The following ZNF646 variants were observed in gnomAD, a reference collection of about 807,000 sequenced individuals.
ZNF646 encodes the protein zinc finger protein 646.
ZNF646 carries 49 observed loss-of-function variants against 115.4 expected under a neutral mutation model. The ratio of observed to expected loss-of-function variants is 0.42; its 90% confidence interval spans 0.34 to 0.54. The LOEUF is 0.54. Among genes scored for constraint, ZNF646 ranks in the 20% least tolerant of loss-of-function variants. The probability of loss-of-function intolerance (pLI) is 0.04; values close to 1 mark genes in which losing one functional copy is unlikely to be tolerated. For synonymous variants in ZNF646, 933 were observed against 939.0 expected, an observed-to-expected ratio of 0.99 and a Z score of 0.12; for missense variants, 2,269 against 2,457.9, an observed-to-expected ratio of 0.92 and a Z score of 1.62.
rs774592235 is a variant in ZNF646, at chr16:31,083,035, G to A, written c.5442G>A (p.Thr1814=). 5.8e-6 allele frequency: 7 copies of A among 1,214,392 alleles called. No homozygotes were observed. The highest frequency in any genetic ancestry group is 8.0e-6 in the Non-Finnish European group (7 of 880,500). The allele number at this position is 1,214,392 out of a possible 1,614,324, so 75.2% of individuals were successfully genotyped here. ...CATTGCCCCCTCCACCCACCCCCAC[G>A]ACCCCACTCCTGGATCCTTCACCCC... is the stretch of plus-strand genomic sequence containing the variant. ...DLPLPPPPTP[T]TPLLDPSPQW... The change falls in exon 3 of 3, where the codon ACG becomes ACA. Residue 1814 remains threonine, a synonymous_variant. Transcript: ENST00000300850.
In ZNF646 at chr16:31,083,751, G is replaced by C. The variant is rs371892937; in HGVS notation, c.*659G>C. On this transcript the variant is annotated 3_prime_UTR_variant, in exon 3 of 3. Transcript: ENST00000300850. ...ACAGGGGCAGTAATGCCATTTGCCT[G>C]CCTGCATTCTCTTGTCCTGAGAATG... The C allele has an allele frequency of 2.7e-5, 43 of 1,613,970 alleles. No individual in the cohort carries two copies. The highest frequency in any genetic ancestry group is 3.6e-5 in the Non-Finnish European group (43 of 1,180,018).
intron 2 of ZNF646, 110 bp downstream of exon 2, chr16:31,081,811 C>A (rs929776404): frequency 7.0e-7 from 1 of 1,430,610 alleles, no homozygotes; most frequent in African/African-American, 1.4e-5. Context: ...CCCGGGGATT[C>A]TAAGAGGTGG....
Position 31,081,557 on chromosome 16 carries a change from G to T in ZNF646, c.5233G>T (p.Ala1745Ser), listed in dbSNP as rs745755540. The change falls in exon 2 of 3, where the codon GCC becomes TCC. Residue 1745 changes from alanine to serine, a missense_variant. Transcript: ENST00000300850. The part of the protein sequence containing the change: ...SICGKAFRTA[A>S]RLEGHGRVHA... Reference sequence around the variant, plus strand: ...CTGTGGCAAGGCCTTTCGGACAGCTGCCCGGCTGGAGGGCCACGGGCGGGT... The same window carrying T: ...CTGTGGCAAGGCCTTTCGGACAGCTTCCCGGCTGGAGGGCCACGGGCGGGT... 3.7e-6 allele frequency: 6 copies of T among 1,613,810 alleles called. No individual in the cohort carries two copies. The highest frequency in any genetic ancestry group is 1.7e-4 in the Middle Eastern group (1 of 6,060).
At position 31,076,289 on chromosome 16, in the gene ZNF646, T is replaced by C. The variant is rs1209054922; in HGVS notation, c.-36T>C. 1.3e-6 allele frequency: 2 copies of C among 1,572,064 alleles called. No homozygotes were observed. The highest frequency in any genetic ancestry group is 1.8e-5 in the Admixed American group (1 of 56,184). The stretch of plus-strand genomic sequence containing the variant: ...GAGGAAGGTGCTGCCACGTGTCTGC[T>C]CCTTCTGAACCTCCAGGTTTCTGCT... On this transcript the variant is annotated 5_prime_UTR_variant, in exon 2 of 3. Transcript: ENST00000300850.
In ZNF646 at chr16:31,077,756, G is replaced by A; in HGVS notation, c.1432G>A (p.Gly478Arg). The A allele has an allele frequency of 6.2e-7, 1 of 1,613,984 alleles. No homozygotes were observed. Among genetic ancestry groups the A allele is most frequent in the South Asian group, 1.1e-5 (1 of 91,086 alleles). ...GTGTGGTCGTGCTTACCGCCACCGG[G>A]GGAGCCTGGTGAACCATCGCCACAG... ...SECGRAYRHR[G>R]SLVNHRHSHR... Residue 478 changes from glycine to arginine, a missense_variant, in exon 2 of 3, where the codon GGG becomes AGG. Physicochemically the swap from Gly to Arg is moderately radical, Grantham distance 125 (BLOSUM62 -2). Transcript: ENST00000300850.
rs369783649 is a variant in ZNF646 at position 31,080,650 on chromosome 16, C to T, written c.4326C>T (p.Ser1442=). 5.0e-6 allele frequency: 8 copies of T among 1,613,948 alleles called. No homozygotes were observed. Among genetic ancestry groups the T allele is most frequent in the Non-Finnish European group, 6.8e-6 (8 of 1,179,984 alleles). ...CAAGGCCAGGGGAGCGCAGTCAGAG[C>T]CCCATCAGGGCAGCAAGCTCAGAAG... ...GVPRPGERSQ[S]PIRAASSEAP... The change falls in exon 2 of 3, where the codon AGC becomes AGT. Residue 1442 remains serine, a synonymous_variant. Transcript: ENST00000300850.
At chr16:31,074,181 T>C (rs2057045185), upstream of ZNF646, 1 of 152,238 alleles carries the variant, frequency 6.6e-6, no homozygotes, top group South Asian at 2.1e-4. Flanking sequence ...TTTTCTCCCT[T>C]TCTGCGCCTA....
Position 31,080,509 on chromosome 16 carries a change from TGGCCAGGGAGGCCTGGATGGCACAGC to T in ZNF646, c.4192_4217del (p.Gly1398Ter). On this transcript the variant is annotated frameshift_variant, in exon 2 of 3. Coordinates refer to ENST00000300850, the MANE Select transcript of ZNF646 (RefSeq NM_014699.4). LOFTEE classifies it high-confidence loss of function. ...AGGAGACAGAAAGGGAGCCAGCCAATGGCCAGGGAGGCCTGGATGGCACAGCGGCCAGTGAGGCGAACCTGACTGGC... is the reference window on the plus strand; with the variant it reads ...AGGAGACAGAAAGGGAGCCAGCCAATGGCCAGTGAGGCGAACCTGACTGGC... 1 of 1,613,956 alleles carries T rather than the reference TGGCCAGGGAGGCCTGGATGGCACAGC, an allele frequency of 6.2e-7. No individual in the cohort carries two copies. Among genetic ancestry groups the T allele is most frequent in the Non-Finnish European group, 8.5e-7 (1 of 1,180,016 alleles).
Position 31,080,262 on chromosome 16 carries a change from G to C in ZNF646, c.3938G>C (p.Ser1313Thr). The C allele has an allele frequency of 1.9e-6, 3 of 1,612,496 alleles. No homozygotes were observed. Among genetic ancestry groups the C allele is most frequent in the Non-Finnish European group, 2.5e-6 (3 of 1,179,684 alleles). Residue 1313 changes from serine (S) to threonine (T), a missense_variant, in exon 2 of 3, where the codon AGC (serine) becomes ACC (threonine). This residue lies in a region of ZNF646 where 1,062 missense variants were observed against 1,172.8 expected (regional missense o/e 0.91). Coordinates refer to ENST00000300850, the MANE Select transcript of ZNF646 (RefSeq NM_014699.4). ...QCGRTYRHAG[S>T]LLNHRRSHET... ...GGGCGGACCTATCGCCACGCCGGCA[G>C]CCTCCTGAACCACCGGCGCAGCCAC...
Position 31,079,361 on chromosome 16 carries a change from A to C in ZNF646, c.3037A>C (p.Asn1013His), listed in dbSNP as rs2057123759. Reference sequence around the variant, plus strand: ...GGACAGTGTCTTGGAGGACATAGTGAATTCTGTCTCTGGAGAGGGTGGAGA... The same window carrying C: ...GGACAGTGTCTTGGAGGACATAGTGCATTCTGTCTCTGGAGAGGGTGGAGA... ...VVDSVLEDIV[N>H]SVSGEGGDAK... Residue 1013 changes from asparagine to histidine, a missense_variant, in exon 2 of 3, where the codon AAT becomes CAT. Around this residue, in one of 5 missense-constraint regions of ZNF646, gnomAD observed 1,062 missense variants for 1,172.8 expected, o/e 0.91. Transcript: ENST00000300850. This position sits in a 1 kb window ranked among gnomAD's most constrained non-coding sequence, Gnocchi z 5.5. 2.5e-6 allele frequency: 4 copies of C among 1,614,000 alleles called. No individual in the cohort carries two copies. In the East Asian group the frequency reaches 8.9e-5, roughly 36 times the overall value.
At position 31,074,452 on chromosome 16, in the gene ZNF646, G is replaced by C. The variant is rs1057014253; in HGVS notation, c.-259G>C. 6.6e-5 allele frequency: 10 copies of C among 152,344 alleles called. No homozygotes were observed. Among genetic ancestry groups the C allele is most frequent in the African/African-American group, 2.4e-4 (10 of 41,468 alleles). The allele number at this position is 152,344 out of a possible 1,614,324, so 9.4% of individuals were successfully genotyped here. ...CAATAGGAAGTGTCCGTAGAGCTGG[G>C]AGTAGACTCCTGGCTCATGCCAGCT... is the stretch of plus-strand genomic sequence containing the variant. On this transcript the variant is annotated 5_prime_UTR_variant, in exon 1 of 3. Coordinates refer to ENST00000300850, the MANE Select transcript of ZNF646 (RefSeq NM_014699.4).
chr16:31,080,488 G>T lies in ZNF646; in HGVS notation c.4164G>T (p.Glu1388Asp), dbSNP rs759493450. The T allele has an allele frequency of 1.2e-6, 2 of 1,613,666 alleles. No individual in the cohort carries two copies. Among genetic ancestry groups the T allele is most frequent in the Non-Finnish European group, 1.7e-6 (2 of 1,179,974 alleles). ...AGCGGCACCTGCGGGAGCATGAGGA[G>T]ACAGAAAGGGAGCCAGCCAATGGCC... ...SLERHLREHE[E>D]TEREPANGQG... Residue 1388 changes from glutamate (E) to aspartate (D), a missense_variant, in exon 2 of 3, where the codon GAG becomes GAT. Around this residue, in one of 5 missense-constraint regions of ZNF646, gnomAD observed 1,062 missense variants for 1,172.8 expected, o/e 0.91. Coordinates refer to ENST00000300850, the MANE Select transcript of ZNF646 (RefSeq NM_014699.4).
In ZNF646 at chr16:31,082,962, T is replaced by C. The variant is rs1183196130; in HGVS notation, c.5378-9T>C. The C allele has an allele frequency of 1.1e-5, 18 of 1,574,844 alleles. No individual in the cohort carries two copies. Among genetic ancestry groups the C allele is most frequent in the Non-Finnish European group, 1.6e-5 (18 of 1,159,648 alleles). The stretch of plus-strand genomic sequence containing the variant: ...CTCAGTTGGTGACCTCCTCTCTCTC[T>C]CCCCCCAGGAGCCCCAGTGGCACCA... On this transcript the variant is annotated splice_polypyrimidine_tract_variant and intron_variant, in intron 2 of 2. Coordinates refer to ENST00000300850, the MANE Select transcript of ZNF646 (RefSeq NM_014699.4).
Position 31,083,584 on chromosome 16 carries a change from TG to T in ZNF646, c.*495del, listed in dbSNP as rs2057193933. ...TGAGACGCCTGCTTGGTAGCAGAGT[TG>T]GGTGTGGGAGTGTCCACAGACACCC... On this transcript the variant is annotated 3_prime_UTR_variant, in exon 3 of 3. Transcript: ENST00000300850. 1.4e-6 allele frequency: 2 copies of T among 1,446,726 alleles called. No individual in the cohort carries two copies. The highest frequency in any genetic ancestry group is 3.0e-5 in the South Asian group (2 of 67,560). 89.6% of individuals were successfully genotyped at this position (1,446,726 alleles called of 1,614,324 possible).
Position 31,078,203 on chromosome 16 carries a change from C to G in ZNF646, c.1879C>G (p.Arg627Gly). ...CTGCCGAGACTGTGGAAAGAGCTAT[C>G]GCCACTCAGGCAGCCTTATCAACCA... ...FACRDCGKSY[R>G]HSGSLINHRQ... The change falls in exon 2 of 3, where the codon CGC (arginine) becomes GGC (glycine). Residue 627 changes from arginine (R) to glycine (G), a missense_variant. By Grantham distance (125) the Arg-to-Gly change is moderately radical. This residue lies in a region of ZNF646 where 852 missense variants were observed against 900.2 expected (regional missense o/e 0.95). Coordinates refer to ENST00000300850, the MANE Select transcript of ZNF646 (RefSeq NM_014699.4). 1 of 1,614,094 alleles carries G rather than the reference C, an allele frequency of 6.2e-7. No individual in the cohort carries two copies. The highest frequency in any genetic ancestry group is 1.6e-4 in the Middle Eastern group (1 of 6,062).
At position 31,079,039 on chromosome 16, in the gene ZNF646, C is replaced by G; in HGVS notation, c.2715C>G (p.Ser905Arg). Residue 905 changes from serine to arginine, a missense_variant, in exon 2 of 3, where the codon AGC becomes AGG. By Grantham distance (110) the Ser-to-Arg change is moderately radical. Around this residue, in one of 5 missense-constraint regions of ZNF646, gnomAD observed 852 missense variants for 900.2 expected, o/e 0.95. Coordinates refer to ENST00000300850, the MANE Select transcript of ZNF646 (RefSeq NM_014699.4). The surrounding 1 kb of genome is among the most constrained non-coding windows in gnomAD (Gnocchi z 5.5). The stretch of plus-strand genomic sequence containing the variant: ...GGCTTCACCGGCGCCAGGCCCACAG[C>G]TCCTCTGGCATGACTGAGGGCTCAG... ...GYRLHRRQAHSSSGMTEGSEE... is the reference protein window; with the variant it reads ...GYRLHRRQAHRSSGMTEGSEE... The G allele has an allele frequency of 6.3e-7, 1 of 1,583,516 alleles. No homozygotes were observed. The highest frequency in any genetic ancestry group is 1.1e-5 in the South Asian group (1 of 87,308).
intron 2 of ZNF646, chr16:31,082,574 T>G: frequency 4.2e-6 from 1 of 240,754 alleles, no homozygotes; most frequent in Middle Eastern, 1.5e-3. Flanking sequence ...AAGCCGCAGC[T>G]GCCAGGGAGT....
At position 31,081,847 on chromosome 16, in the gene ZNF646, G is replaced by A. The variant is rs569969083; in HGVS notation, c.5377+146G>A. ...GTGGGGGCTTGGCTATGGGGTGAGA[G>A]AAGTAGCTTGAGGATGTGCTGAGCT... On this transcript the variant is annotated intron_variant, in intron 2 of 2. Coordinates refer to ENST00000300850, the MANE Select transcript of ZNF646 (RefSeq NM_014699.4). The A allele has an allele frequency of 4.1e-4, 540 of 1,325,000 alleles. 1 individual carries two copies. The highest frequency in any genetic ancestry group is 5.1e-4 in the Non-Finnish European group (502 of 986,066). 82.1% of individuals were successfully genotyped at this position (1,325,000 alleles called of 1,614,324 possible).
Position 31,079,969 on chromosome 16 carries a change from C to A in ZNF646, c.3645C>A (p.Ala1215=). Residue 1215 remains alanine (A), a synonymous_variant, in exon 2 of 3, where the codon GCC becomes GCA. Coordinates refer to ENST00000300850, the MANE Select transcript of ZNF646 (RefSeq NM_014699.4). This position sits in a 1 kb window ranked among gnomAD's most constrained non-coding sequence, Gnocchi z 5.5. ...TGTGTGGCCGATCCTACAAGCACGC[C>A]GGCAGCCTCATCAACCACCGGCAGA... ...CEVCGRSYKH[A]GSLINHRQSH... is the part of the protein sequence containing the mutation. 1 of 1,609,384 alleles carries A rather than the reference C, an allele frequency of 6.2e-7. No homozygotes were observed. Among genetic ancestry groups the A allele is most frequent in the East Asian group, 2.2e-5 (1 of 44,748 alleles).
Sources: gnomAD v4.1 joint callset for allele counts on GRCh38, gnomAD v4.1.1 for gene constraint, gnomAD v4.1.1 regional missense constraint, Gnocchi (gnomAD v3.1) non-coding constraint, MANE v1.5 for transcripts, NCBI Gene and HGNC (gene_info 2026-07-23, HGNC 2026-07-21) for gene names.